The following KIF18A variants were observed in gnomAD, a reference collection of about 807,000 sequenced individuals.
KIF18A encodes kinesin-like protein KIF18A.
In KIF18A, 67 loss-of-function variants were observed where a neutral mutation model predicts 103.3. The ratio of observed to expected loss-of-function variants is 0.65; its 90% CI spans 0.53 to 0.79. The LOEUF (loss-of-function observed/expected upper bound fraction) is 0.79. KIF18A is among the 30% of genes least tolerant of loss of function. The pLI is 0.00. For missense variants in KIF18A, 1,032 were observed against 1,062.5 expected, an observed-to-expected ratio of 0.97 and a Z score of 0.40; for synonymous variants, 367 against 355.5, an observed-to-expected ratio of 1.03 and a Z score of -0.36.
At chr11:28,096,264 TA>T (rs1322103205) in intron 2 of KIF18A, among the ~76,000 whole-genome samples, 1 of 151,720 alleles carries the variant, frequency 6.6e-6, no homozygotes, top group Non-Finnish European at 1.5e-5. Flanking sequence ...AATAATCAGT[TA>T]AGGCAATAAC....
chr11:28,052,300 C>T (rs887121084), intron 13 of KIF18A, among the ~76,000 whole-genome samples: 1 of 152,086 alleles, frequency 6.6e-6, no homozygotes, highest in African/African-American at 2.4e-5. Flanking sequence ...TTGTTTTATT[C>T]AGAGTAAAAG....
In KIF18A at chr11:28,084,647, C is replaced by T; in HGVS notation, c.1059G>A (p.Lys353=). 1 of 1,609,730 alleles carries T rather than the reference C, an allele frequency of 6.2e-7. No homozygotes were observed. The highest frequency in any genetic ancestry group is 8.5e-7 in the Non-Finnish European group (1 of 1,177,102). The part of the protein sequence containing the change: ...YNTLKYANRA[K]DIKSSLKSNV... ...ACAGACTTACAGAAGATTTAATGTC[C>T]TTTGCCCGGTTAGCATACTTAAGAG... Residue 353 remains lysine, a synonymous_variant, in exon 7 of 17, where the codon AAG becomes AAA. Transcript: ENST00000263181.
intron 9 of KIF18A, among the ~76,000 whole-genome samples, 158 bp downstream of exon 9, chr11:28,082,698 T>TG (rs1851180016): frequency 6.6e-6 from 1 of 152,066 alleles, no homozygotes; most frequent in African/African-American, 2.4e-5. Context: ...GAGTCAAGCC[T>TG]GTTATGTATG....
chr11:28,045,205 T>G (rs887223863), intron 13 of KIF18A, among the ~76,000 whole-genome samples: 3 of 152,066 alleles, frequency 2.0e-5, no homozygotes, highest in Non-Finnish European at 2.9e-5. Flanking sequence ...ATAAATTGAC[T>G]GCCTATACCT....
chr11:28,031,891 C>A (rs1472500228), intron 15 of KIF18A, among the ~76,000 whole-genome samples: 1 of 151,070 alleles, frequency 6.6e-6, no homozygotes, highest in Non-Finnish European at 1.5e-5. Context: ...AGCAATCAGA[C>A]AAGAGAAAGA....
At chr11:28,022,733 T>C (rs974772171) in intron 16 of KIF18A, among the ~76,000 whole-genome samples, 4 of 152,204 alleles carry the variant, frequency 2.6e-5, no homozygotes, top group Non-Finnish European at 5.9e-5. Flanking sequence ...GTAAATTTTG[T>C]ACTTTACTAC....
At chr11:28,029,628 G>T (rs1234407496) in intron 15 of KIF18A, among the ~76,000 whole-genome samples, 1 of 152,126 alleles carries the variant, frequency 6.6e-6, no homozygotes, top group African/African-American at 2.4e-5. Flanking sequence ...ACAAGACAGG[G>T]ATGCCCTCTC....
At chr11:28,021,607 A>G (rs1214239119) in intron 16 of KIF18A, among the ~76,000 whole-genome samples, 2 of 151,940 alleles carry the variant, frequency 1.3e-5, no homozygotes, top group Non-Finnish European at 2.9e-5. Context: ...GCATTTCTTC[A>G]TTTTCTTTGT....
intron 1 of KIF18A, among the ~76,000 whole-genome samples, chr11:28,102,963 A>G (rs926507498): frequency 9.2e-5 from 14 of 152,196 alleles, no homozygotes; most frequent in Non-Finnish European, 1.8e-4. Context: ...CAGCAAAAGA[A>G]AAGCCTAAAT....
intron 1 of KIF18A, among the ~76,000 whole-genome samples, chr11:28,102,088 G>T (rs1383422717): frequency 2.6e-5 from 4 of 152,142 alleles, no homozygotes; most frequent in Non-Finnish European, 5.9e-5. Flanking sequence ...TGTTGGAAAA[G>T]TCCACGTTCT....
At chr11:28,049,703 A>C (rs1399642950) in intron 13 of KIF18A, among the ~76,000 whole-genome samples, 1 of 151,998 alleles carries the variant, frequency 6.6e-6, no homozygotes, top group African/African-American at 2.4e-5. Context: ...TAGTTGGCAA[A>C]GTTCTAAAGT....
At chr11:28,064,776 T>C (rs1850897107) in intron 11 of KIF18A, among the ~76,000 whole-genome samples, 1 of 152,086 alleles carries the variant, frequency 6.6e-6, no homozygotes, top group Non-Finnish European at 1.5e-5. Flanking sequence ...TTTCTTGACA[T>C]ACTAATGACT....
chr11:28,107,535 A>C (rs1164920004), intron 1 of KIF18A, among the ~76,000 whole-genome samples: 1 of 152,132 alleles, frequency 6.6e-6, no homozygotes, highest in East Asian at 1.9e-4. Context: ...AGCGGCTTTT[A>C]TCTCGATGCT....
At chr11:28,069,907 T>C (rs905220708) in intron 10 of KIF18A, among the ~76,000 whole-genome samples, 1 of 152,212 alleles carries the variant, frequency 6.6e-6, no homozygotes, top group Non-Finnish European at 1.5e-5. Context: ...AAAAAGAGCT[T>C]ATATCAGAGT....
At position 28,077,076 on chromosome 11, in the gene KIF18A, A is replaced by C; in HGVS notation, c.1356T>G (p.Leu452=). Residue 452 remains leucine, a synonymous_variant, in exon 10 of 17, where the codon CTT becomes CTG. Coordinates refer to ENST00000263181, the MANE Select transcript of KIF18A (RefSeq NM_031217.4). ...GGCACTGTTGTTGGTAGAATGATTT[A>C]AGTTCATTTTCTTTAAGTAACATTT... The part of the protein sequence containing the change: ...KLEMLLKENE[L]KSFYQQQCHK... The C allele has an allele frequency of 1.9e-6, 3 of 1,579,270 alleles. No individual in the cohort carries two copies. The highest frequency in any genetic ancestry group is 1.7e-4 in the Middle Eastern group (1 of 5,904).
At chr11:28,023,674 A>C in intron 16 of KIF18A, 67 bp downstream of exon 16, 2 of 756,070 alleles carry the variant, frequency 2.6e-6, no homozygotes, top group Middle Eastern at 2.7e-4. Context: ...ACAATAAAAA[A>C]CGTAAAGTAC....
Position 28,023,828 on chromosome 11 carries a change from T to C in KIF18A, c.2527A>G (p.Thr843Ala). ...GCAAATCCAGAATTTACGTCTGCAGTTAACGAACTGTTTGATGTAGAACTT... is the reference window on the plus strand; with the variant it reads ...GCAAATCCAGAATTTACGTCTGCAGCTAACGAACTGTTTGATGTAGAACTT... ...LTSSTSNSSL[T>A]ADVNSGFAKR... Residue 843 changes from threonine (T) to alanine (A), a missense_variant, in exon 16 of 17, where the codon ACT (threonine) becomes GCT (alanine). Transcript: ENST00000263181. 6.2e-7 allele frequency: 1 copy of C among 1,611,432 alleles called. No homozygotes were observed. The highest frequency in any genetic ancestry group is 8.5e-7 in the Non-Finnish European group (1 of 1,178,024).
intron 1 of KIF18A, among the ~76,000 whole-genome samples, chr11:28,106,427 A>G (rs1320650536): frequency 6.6e-6 from 1 of 152,006 alleles, no homozygotes; most frequent in African/African-American, 2.4e-5. Flanking sequence ...TTGGAATATC[A>G]GTCTTGGGGG....
chr11:28,028,788 TAAGA>T (rs1180676143), intron 15 of KIF18A, among the ~76,000 whole-genome samples: 4 of 151,674 alleles, frequency 2.6e-5, no homozygotes, highest in Non-Finnish European at 5.9e-5. Flanking sequence ...CTAGCAAGAC[TAAGA>T]AAGAGGAAAA....
Sources: gnomAD v4.1 joint callset for allele counts (sites outside exome capture counted in the v4.1 genomes callset) on GRCh38, gnomAD v4.1.1 for gene constraint, MANE v1.5 for transcripts, NCBI Gene and HGNC (gene_info 2026-07-23, HGNC 2026-07-21) for gene names.